LAIR1: variants seen among roughly 807,000 people sequenced by gnomAD.
The protein encoded by LAIR1 is leukocyte associated immunoglobulin like receptor 1.
LAIR1 carries 24 observed loss-of-function variants against 32.8 expected under a neutral mutation model. That is an observed-to-expected ratio of 0.73 (90% CI 0.53 to 1.03). The LOEUF (loss-of-function observed/expected upper bound fraction) is 1.03, where lower values mean the gene tolerates loss of function less well. Among genes scored for constraint, LAIR1 ranks in the 50% least tolerant of loss-of-function variants. The pLI, the probability that LAIR1 is intolerant of heterozygous loss-of-function variation, is 0.00. For synonymous variants in LAIR1, 150 were observed against 140.5 expected (o/e 1.07, Z -0.48); for missense variants, 355 against 347.5 (o/e 1.02, Z -0.17).
At chr19:54,372,477 G>GTCTT (rs1264293913), upstream of LAIR1, among the ~76,000 whole-genome samples, 11 of 144,418 alleles carry the variant, frequency 7.6e-5, no homozygotes, top group East Asian at 6.0e-4. Flanking sequence ...CTATAAACTT[G>GTCTT]TCTTTCTTTC....
In LAIR1 at chr19:54,364,918, C is replaced by T. The variant is rs114374365; in HGVS notation, c.-114G>A. On this transcript the variant is annotated 5_prime_UTR_variant, in exon 1 of 10. Coordinates refer to ENST00000391742, the MANE Select transcript of LAIR1 (RefSeq NM_002287.6). The surrounding 1 kb of genome is among the most constrained non-coding windows in gnomAD (Gnocchi z 4.8). ...GCCCGGGGGCCTCCTGCCTATGGGG[C>T]TTCCACAGCAACTGCCTCACACAAG... 6,608 of 1,594,962 alleles carry T rather than the reference C, an allele frequency of 4.1e-3. 23 individuals are homozygous for T. The highest frequency in any genetic ancestry group is 0.013 in the South Asian group (1,169 of 89,100).
rs1327542871 is a variant in LAIR1 at position 54,356,547 on chromosome 19, A to T, written c.527T>A (p.Phe176Tyr). 2 of 1,613,906 alleles carry T rather than the reference A, an allele frequency of 1.2e-6. No homozygotes were observed. Among genetic ancestry groups the T allele is most frequent in the African/African-American group, 2.7e-5 (2 of 74,870 alleles). ...ILIGVSVVFL[F>Y]CLLLLVLFCL... The stretch of plus-strand genomic sequence containing the variant: ...GAAGAGGACCAGGAGGAGGAGACAG[A>T]AGAGGAAGACCACTGAGACCCCGAT... The change falls in exon 6 of 10, where the codon TTC becomes TAC. Residue 176 changes from phenylalanine (F) to tyrosine (Y), a missense_variant. Physicochemically the swap from Phe to Tyr is conservative, Grantham distance 22 (BLOSUM62 3). Coordinates refer to ENST00000391742, the MANE Select transcript of LAIR1 (RefSeq NM_002287.6).
chr19:54,366,998 G>A (rs1268872999), upstream of LAIR1, among the ~76,000 whole-genome samples: 4 of 152,196 alleles, frequency 2.6e-5, no homozygotes, highest in Non-Finnish European at 1.5e-5. Flanking sequence ...GTAGGCTGCT[G>A]GGCAACGACT....
upstream of LAIR1, among the ~76,000 whole-genome samples, chr19:54,375,208 AC>A (rs1486533106): frequency 6.6e-6 from 1 of 152,148 alleles, no homozygotes; most frequent in Non-Finnish European, 1.5e-5. Context: ...CATTGATCTA[AC>A]CAGACATGGG....
Position 54,353,407 on chromosome 19 carries a change from G to A in LAIR1, c.*1861C>T, listed in dbSNP as rs913232653. 1.3e-5 allele frequency: 2 copies of A among 152,116 alleles called. No individual in the cohort carries two copies. The highest frequency in any genetic ancestry group is 2.4e-5 in the African/African-American group (1 of 41,398). 9.4% of individuals were successfully genotyped at this position (152,116 alleles called of 1,614,324 possible). ...TAAAGCTCAGTACAAATTAAAATTG[G>A]GTAGGCCAGTCAGGTACCACCCTCT... On this transcript the variant is annotated 3_prime_UTR_variant, in exon 10 of 10. Transcript: ENST00000391742.
upstream of LAIR1, chr19:54,368,835 GCA>G (rs1351221962): frequency 6.6e-6 from 1 of 151,694 alleles, no homozygotes; most frequent in African/African-American, 2.4e-5. Flanking sequence ...TTACAGGTGC[GCA>G]CCACCATGCC....
At chr19:54,358,252 T>A (rs1211864875) in intron 4 of LAIR1, 1 of 147,024 alleles carries the variant, frequency 6.8e-6, no homozygotes, top group Non-Finnish European at 1.5e-5. Flanking sequence ...TATTTATTTA[T>A]TAACTATAAC....
intron 8 of LAIR1, 32 bp from the exon 9 acceptor site, chr19:54,356,038 G>T: frequency 1.3e-6 from 2 of 1,569,094 alleles, no homozygotes; most frequent in Non-Finnish European, 1.8e-6. Context: ...CAGTTTTCTG[G>T]GGAGGATGTC....
chr19:54,360,576 T>C (rs2081963470), intron 3 of LAIR1: 1 of 451,092 alleles, frequency 2.2e-6, no homozygotes, highest in Admixed American at 3.8e-5. Context: ...ATCCATCCCG[T>C]GTGAAAAGAC....
upstream of LAIR1, chr19:54,368,842 C>G (rs2082334544): frequency 6.6e-6 from 1 of 151,966 alleles, no homozygotes; most frequent in Non-Finnish European, 1.5e-5. Context: ...TGCGCACCAC[C>G]ATGCCCAGCT....
At position 54,356,411 on chromosome 19, in the gene LAIR1, G is replaced by A. The variant is rs534949019; in HGVS notation, c.584-13C>T. 1.9e-5 allele frequency: 30 copies of A among 1,602,194 alleles called. No homozygotes were observed. Among genetic ancestry groups the A allele is most frequent in the African/African-American group, 1.2e-4 (9 of 74,612 alleles). Reference sequence around the variant, plus strand: ...CTTCTGGGGGGCCCTAAGGACAGTCGGGGTGTGAATTAAGGAGACCTTCTT... The same window carrying A: ...CTTCTGGGGGGCCCTAAGGACAGTCAGGGTGTGAATTAAGGAGACCTTCTT... On this transcript the variant is annotated splice_polypyrimidine_tract_variant and intron_variant, in intron 6 of 9. Coordinates refer to ENST00000391742, the MANE Select transcript of LAIR1 (RefSeq NM_002287.6).
At chr19:54,373,179 A>C (rs1306451669), upstream of LAIR1, among the ~76,000 whole-genome samples, 3 of 151,044 alleles carry the variant, frequency 2.0e-5, no homozygotes, top group Admixed American at 2.0e-4. Context: ...GTGGTGGCTC[A>C]CGCCTGTAAT....
chr19:54,368,645 T>G (rs1025807072), upstream of LAIR1: 5 of 152,186 alleles, frequency 3.3e-5, no homozygotes, highest in Admixed American at 2.0e-4. Context: ...TTTGCCTCCA[T>G]GTGGCCACTG....
At chr19:54,370,588 G>A (rs926242155), upstream of LAIR1, 16 of 307,920 alleles carry the variant, frequency 5.2e-5, 1 homozygote, top group South Asian at 8.3e-5. Flanking sequence ...ACTGAAAACC[G>A]CACAGGATGT....
upstream of LAIR1, chr19:54,368,751 C>G (rs2082330420): frequency 1.3e-5 from 2 of 151,956 alleles, no homozygotes; most frequent in African/African-American, 4.8e-5. Context: ...GTTGCCCAGG[C>G]TGGAGTGTAA....
chr19:54,366,574 T>C (rs1032987531), upstream of LAIR1, among the ~76,000 whole-genome samples: 3 of 152,086 alleles, frequency 2.0e-5, no homozygotes, highest in Non-Finnish European at 4.4e-5. Context: ...CTGCAACCTC[T>C]GCCTCCCAGA....
upstream of LAIR1, among the ~76,000 whole-genome samples, chr19:54,373,506 T>C (rs1431580085): frequency 6.6e-6 from 1 of 152,236 alleles, no homozygotes; most frequent in Non-Finnish European, 1.5e-5. Context: ...TTACCTCTTA[T>C]ACGCTTGGTG....
intron 4 of LAIR1, chr19:54,358,449 G>C (rs1414266547): frequency 1.2e-6 from 1 of 846,906 alleles, no homozygotes; most frequent in Non-Finnish European, 1.6e-6. Flanking sequence ...TAAATTATAG[G>C]TCTGAAATTC....
Position 54,355,891 on chromosome 19 carries a change from G to A in LAIR1, c.717+63C>T. The A allele has an allele frequency of 8.7e-7, 1 of 1,150,410 alleles. No homozygotes were observed. The highest frequency in any genetic ancestry group is 1.2e-5 in the South Asian group (1 of 81,952). The allele number at this position is 1,150,410 out of a possible 1,614,324, so 71.3% of individuals were successfully genotyped here. Reference sequence around the variant, plus strand: ...AGCCACTCCTGAATTCCTAACCCAAGGAACTGAGATTTTTTTAAGCTGCTA... The same window carrying A: ...AGCCACTCCTGAATTCCTAACCCAAAGAACTGAGATTTTTTTAAGCTGCTA... On this transcript the variant is annotated intron_variant, in intron 9 of 9. Transcript: ENST00000391742. This position sits in a 1 kb window ranked among gnomAD's most constrained non-coding sequence, Gnocchi z 4.7.
Sources: allele counts gnomAD v4.1 joint callset (sites outside exome capture counted in the v4.1 genomes callset), GRCh38; gene constraint gnomAD v4.1.1; non-coding constraint Gnocchi (gnomAD v3.1); transcripts MANE v1.5; gene names NCBI Gene and HGNC (gene_info 2026-07-23, HGNC 2026-07-21).